The following KIF1A variants were observed in gnomAD, a reference collection of about 807,000 sequenced individuals.
KIF1A encodes the protein kinesin-like protein KIF1A.
KIF1A carries 46 observed loss-of-function variants against 227.3 expected under a neutral mutation model. The ratio of observed to expected loss-of-function variants is 0.20; its 90% CI spans 0.16 to 0.26. The LOEUF (loss-of-function observed/expected upper bound fraction) is 0.26. Ranked by LOEUF, KIF1A falls within the 10% of genes least tolerant of loss-of-function variation. KIF1A has a pLI of 1.00. For missense variants in KIF1A, 1,683 were observed against 2,485.9 expected (o/e 0.68, Z 6.87); for synonymous variants, 1,022 against 1,012.8 (o/e 1.01, Z -0.17).
intron 15 of KIF1A, among the ~76,000 whole-genome samples, chr2:240,770,364 G>A (rs982347269): frequency 1.3e-5 from 2 of 152,100 alleles, no homozygotes; most frequent in African/African-American, 4.8e-5. Context: ...CCAGGCAGGT[G>A]TGCAGGTGTG....
chr2:240,787,555 T>C (rs1430319635), intron 4 of KIF1A, among the ~76,000 whole-genome samples: 1 of 152,126 alleles, frequency 6.6e-6, no homozygotes, highest in Non-Finnish European at 1.5e-5. Flanking sequence ...TCCCCCTGGC[T>C]CTGCCATCCT....
intron 25 of KIF1A, among the ~76,000 whole-genome samples, chr2:240,760,085 C>T (rs1488229882): frequency 2.0e-5 from 3 of 152,194 alleles, no homozygotes; most frequent in South Asian, 2.1e-4. Context: ...CAGCAGAGGC[C>T]GAGCTTTAGG....
intron 1 of KIF1A, among the ~76,000 whole-genome samples, chr2:240,806,657 T>A (rs2057427804): frequency 6.6e-6 from 1 of 152,090 alleles, no homozygotes; most frequent in Non-Finnish European, 1.5e-5. Context: ...AGTCAGACTC[T>A]CTAAAAACTA....
chr2:240,720,986 C>G lies in KIF1A; in HGVS notation c.4796G>C (p.Gly1599Ala), dbSNP rs765697940. 1.9e-6 allele frequency: 3 copies of G among 1,609,498 alleles called. No individual in the cohort carries two copies. Among genetic ancestry groups the G allele is most frequent in the Admixed American group, 1.7e-5 (1 of 59,626 alleles). The part of the protein sequence containing the change: ...LLRDPSMSPL[G>A]VATLTPSSTC... ...GGAGGAGGGGGTGAGAGTGGCCACC[C>G]CTAGAGGGGACATCGACGGGTCCCG... Residue 1599 changes from glycine (G) to alanine (A), a missense_variant, in exon 45 of 49, where the codon GGG becomes GCG. Around this residue, in one of 12 missense-constraint regions of KIF1A, gnomAD observed 384 missense variants for 410.1 expected, o/e 0.94. Coordinates refer to ENST00000498729, the MANE Select transcript of KIF1A (RefSeq NM_001244008.2).
rs747127041 is a variant in KIF1A, at chr2:240,782,594, T to C, written c.878A>G (p.Asn293Ser). The C allele has an allele frequency of 6.4e-6, 10 of 1,552,382 alleles. No homozygotes were observed. The highest frequency in any genetic ancestry group is 1.7e-4 in the Middle Eastern group (1 of 5,994). Residue 293 changes from asparagine (N) to serine (S), a missense_variant, in exon 10 of 49, where the codon AAC becomes AGC. Coordinates refer to ENST00000498729, the MANE Select transcript of KIF1A (RefSeq NM_001244008.2). ...SALAEMDSGP[N>S]KNKKKKKTDF... ...GGGCTGAAGGAAGCCGCTTACCTTGTTGGGTCCGGAGTCCTGAAAAGGAAA... is the reference window on the plus strand; with the variant it reads ...GGGCTGAAGGAAGCCGCTTACCTTGCTGGGTCCGGAGTCCTGAAAAGGAAA...
chr2:240,792,526 A>G lies in KIF1A; in HGVS notation c.107-3214T>C, dbSNP rs1575645356. Among the ~76,000 whole-genome samples the G allele has an allele frequency of 1.4e-5, 2 of 143,544 alleles. No individual in the cohort carries two copies. The highest frequency in any genetic ancestry group is 2.2e-4 in the South Asian group (1 of 4,466). 94.2% of individuals were successfully genotyped at this position (143,544 alleles called of 152,430 possible). On this transcript the variant is annotated intron_variant, in intron 2 of 48. Transcript: ENST00000498729. This position sits in a 1 kb window ranked among gnomAD's most constrained non-coding sequence, Gnocchi z 4.5. ...CCGAGACGACAGAGACAGCGGGGGG[A>G]GGGTTGGGGTGAGGAGTGGGGGGAG...
chr2:240,722,607 G>C lies in KIF1A; in HGVS notation c.4514C>G (p.Ala1505Gly). 1 of 1,563,978 alleles carries C rather than the reference G, an allele frequency of 6.4e-7. No homozygotes were observed. Among genetic ancestry groups the C allele is most frequent in the Non-Finnish European group, 8.7e-7 (1 of 1,153,798 alleles). The change falls in exon 43 of 49, where the codon GCC (alanine) becomes GGC (glycine). Residue 1505 changes from alanine (A) to glycine (G), a missense_variant. Ala to Gly is a moderately conservative substitution (Grantham distance 60, BLOSUM62 0). Transcript: ENST00000498729. ...CAGTGCCTCCGGGACAGGCCGCTGG[G>C]CGGTCTCCAGCTTCTCCCGCAGGAG... ...YLLLREKLETAQRPVPEALSP... is the reference protein window; with the variant it reads ...YLLLREKLETGQRPVPEALSP...
intron 27 of KIF1A, among the ~76,000 whole-genome samples, chr2:240,754,864 G>A (rs1255717850): frequency 1.3e-5 from 2 of 151,990 alleles, no homozygotes; most frequent in South Asian, 2.1e-4. Flanking sequence ...AGGGAGTGGC[G>A]TGGCCTTGCC....
rs1464029717 is a variant in KIF1A at position 240,766,232 on chromosome 2, G to A, written c.1685-439C>T. On this transcript the variant is annotated intron_variant, in intron 19 of 48. Transcript: ENST00000498729. This position sits in a 1 kb window ranked among gnomAD's most constrained non-coding sequence, Gnocchi z 5.0. ...CACCCTGAGGTGGCCAAGTTGGACAGTGGGTGTCAGTCACAGGTCTGCAGG... is the reference window on the plus strand; with the variant it reads ...CACCCTGAGGTGGCCAAGTTGGACAATGGGTGTCAGTCACAGGTCTGCAGG... 2.6e-5 allele frequency among the ~76,000 whole-genome samples: 4 copies of A among 152,256 alleles called. No homozygotes were observed. Among genetic ancestry groups the A allele is most frequent in the African/African-American group, 7.2e-5 (3 of 41,470 alleles).
chr2:240,782,718 C>CT, intron 9 of KIF1A, 111 bp from the exon 10 acceptor site: 1 of 1,157,164 alleles, frequency 8.6e-7, no homozygotes, highest in Non-Finnish European at 1.3e-6. Context: ...GACTCAGGCT[C>CT]TACCACCCCG....
chr2:240,778,685 A>C lies in KIF1A; in HGVS notation c.883-2759T>G, dbSNP rs2053112296. ...CCCACAGCTCCACGCGGCGCCCAGC[A>C]GGTCCCCGCAGCTTCCCATCCAGCT... On this transcript the variant is annotated intron_variant, in intron 10 of 48. Transcript: ENST00000498729. This position sits in a 1 kb window ranked among gnomAD's most constrained non-coding sequence, Gnocchi z 7.2. 7.0e-6 allele frequency among the ~76,000 whole-genome samples: 1 copy of C among 143,270 alleles called. No individual in the cohort carries two copies. The highest frequency in any genetic ancestry group is 1.5e-5 in the Non-Finnish European group (1 of 66,324). 94.0% of individuals were successfully genotyped at this position (143,270 alleles called of 152,430 possible).
At chr2:240,733,496 G>A (rs573129230) in intron 38 of KIF1A, among the ~76,000 whole-genome samples, 86 of 152,290 alleles carry the variant, frequency 5.6e-4, no homozygotes, top group African/African-American at 1.0e-3. Flanking sequence ...GGGCTGGTGC[G>A]GCAGCCTTCA....
intron 20 of KIF1A, among the ~76,000 whole-genome samples, chr2:240,765,090 T>C (rs2050999421): frequency 6.6e-6 from 1 of 152,260 alleles, no homozygotes; most frequent in South Asian, 2.1e-4. Flanking sequence ...CAGCCATGTC[T>C]GTGCATCAGG....
rs531276769 is a variant in KIF1A at position 240,775,994 on chromosome 2, C to G, written c.883-68G>C. The stretch of plus-strand genomic sequence containing the variant: ...AGAGGAAGCGAAAGGGAGGGGCCAG[C>G]GCAGGCCCTGCCAAGTGGGTCCTCA... On this transcript the variant is annotated intron_variant, in intron 10 of 48. Transcript: ENST00000498729. This position sits in a 1 kb window ranked among gnomAD's most constrained non-coding sequence, Gnocchi z 5.5. The G allele has an allele frequency of 3.2e-5, 35 of 1,099,178 alleles. No homozygotes were observed. The highest frequency in any genetic ancestry group is 1.9e-4 in the South Asian group (15 of 78,562). The allele number at this position is 1,099,178 out of a possible 1,614,324, so 68.1% of individuals were successfully genotyped here. A position where few individuals can be genotyped will look rare whatever the true frequency, so the allele number is the denominator to read the frequency against.
chr2:240,751,781 C>T (rs1164900658), intron 27 of KIF1A, among the ~76,000 whole-genome samples: 1 of 151,982 alleles, frequency 6.6e-6, no homozygotes, highest in Non-Finnish European at 1.5e-5. Flanking sequence ...CCAGCACAGT[C>T]AAGCTCAGCC....
intron 17 of KIF1A, among the ~76,000 whole-genome samples, chr2:240,768,375 C>A (rs1374556786): frequency 6.6e-6 from 1 of 152,236 alleles, no homozygotes; most frequent in African/African-American, 2.4e-5. Flanking sequence ...CTTCTCAGGC[C>A]CTTCCTGTCT....
Position 240,757,384 on chromosome 2 carries a change from C to G in KIF1A, c.2793G>C (p.Glu931Asp). Residue 931 changes from glutamate (E) to aspartate (D), a missense_variant, in exon 27 of 49, where the codon GAG becomes GAC. Transcript: ENST00000498729. This position sits in a 1 kb window ranked among gnomAD's most constrained non-coding sequence, Gnocchi z 6.2. ...EEDLEDDVFP[E>D]HALCDGRDPF... ...GGTCCCGGCCGTCGCACAGCGCGTG[C>G]TCCGGAAAGACGTCGTCCTCCAGGT... The G allele has an allele frequency of 6.4e-7, 1 of 1,550,486 alleles. No homozygotes were observed. The highest frequency in any genetic ancestry group is 8.7e-7 in the Non-Finnish European group (1 of 1,147,008).
At chr2:240,802,441 T>A (rs2057050631) in intron 1 of KIF1A, among the ~76,000 whole-genome samples, 1 of 152,136 alleles carries the variant, frequency 6.6e-6, no homozygotes, top group African/African-American at 2.4e-5. Context: ...AGATTGCAGA[T>A]AAAAGGTCAA....
intron 7 of KIF1A, 120 bp downstream of exon 7, chr2:240,784,869 G>A (rs562295775): frequency 5.2e-5 from 42 of 800,802 alleles, no homozygotes; most frequent in Admixed American, 1.5e-4. Flanking sequence ...GACACTACCC[G>A]CCCTGCACAG....
Sources: allele counts gnomAD v4.1 joint callset (sites outside exome capture counted in the v4.1 genomes callset), GRCh38; gene constraint gnomAD v4.1.1; regional missense constraint gnomAD v4.1.1; non-coding constraint Gnocchi (gnomAD v3.1); transcripts MANE v1.5; gene names NCBI Gene and HGNC (gene_info 2026-07-23, HGNC 2026-07-21).